The following ST6GALNAC3 variants were observed in gnomAD, a reference collection of about 807,000 sequenced individuals.
ST6GALNAC3 encodes alpha-N-acetylgalactosaminide alpha-2,6-sialyltransferase 3.
In ST6GALNAC3, 25 loss-of-function variants were observed where a neutral mutation model predicts 32.7. The observed-to-expected ratio is 0.76, with a 90% CI of 0.56 to 1.07. The LOEUF is 1.07. ST6GALNAC3 is among the 50% of genes least tolerant of loss of function. The probability of loss-of-function intolerance (pLI) is 0.00; values close to 1 mark genes in which losing one functional copy is unlikely to be tolerated. For synonymous variants in ST6GALNAC3, 129 were observed against 133.1 expected (o/e 0.97, Z 0.21); for missense variants, 355 against 382.4 (o/e 0.93, Z 0.60).
chr1:76,215,889 C>T (rs1387679805), intron 1 of ST6GALNAC3, among the ~76,000 whole-genome samples: 1 of 152,182 alleles, frequency 6.6e-6, no homozygotes, highest in African/African-American at 2.4e-5. Flanking sequence ...TTGCTTACTA[C>T]AGTGCTTTCT....
intron 1 of ST6GALNAC3, among the ~76,000 whole-genome samples, chr1:76,079,136 C>T (rs148917611): frequency 6.6e-6 from 1 of 152,188 alleles, no homozygotes; most frequent in Non-Finnish European, 1.5e-5. Flanking sequence ...GCCCCAGAGC[C>T]CTTGTCAGAT....
At chr1:76,482,044 A>G (rs1659756511) in intron 3 of ST6GALNAC3, among the ~76,000 whole-genome samples, 1 of 152,150 alleles carries the variant, frequency 6.6e-6, no homozygotes, top group African/African-American at 2.4e-5. Flanking sequence ...ATGCACTGAA[A>G]AAGGCACACA....
At chr1:76,377,677 T>G (rs138259357) in intron 2 of ST6GALNAC3, among the ~76,000 whole-genome samples, 165 of 152,318 alleles carry the variant, frequency 1.1e-3, no homozygotes, top group African/African-American at 3.7e-3. Context: ...GGCCTTGTTT[T>G]TTTATGACCT....
At chr1:76,314,300 G>A (rs1646825880) in intron 2 of ST6GALNAC3, among the ~76,000 whole-genome samples, 1 of 152,074 alleles carries the variant, frequency 6.6e-6, no homozygotes. Flanking sequence ...TAGAAGCTCT[G>A]ATTAGCAGTT....
chr1:76,320,221 G>A (rs1486873303), intron 2 of ST6GALNAC3, among the ~76,000 whole-genome samples: 2 of 152,124 alleles, frequency 1.3e-5, no homozygotes, highest in African/African-American at 4.8e-5. Context: ...TATGTATTGT[G>A]CATTTTCCTT....
intron 3 of ST6GALNAC3, among the ~76,000 whole-genome samples, chr1:76,585,440 G>C (rs114693684): frequency 6.6e-5 from 10 of 152,032 alleles, no homozygotes; most frequent in African/African-American, 2.4e-4. Context: ...AGGGCTGAGG[G>C]TGGAGAAACA....
chr1:76,559,780 C>T (rs1018529117), intron 3 of ST6GALNAC3, among the ~76,000 whole-genome samples: 1 of 152,126 alleles, frequency 6.6e-6, no homozygotes, highest in South Asian at 2.1e-4. Flanking sequence ...GAAAAACAGC[C>T]TTGAATTGCT....
intron 2 of ST6GALNAC3, among the ~76,000 whole-genome samples, chr1:76,372,689 G>T (rs1188693141): frequency 6.6e-6 from 1 of 152,112 alleles, no homozygotes; most frequent in African/African-American, 2.4e-5. Context: ...CTGAAGGCTA[G>T]CATTCATTTC....
chr1:76,393,774 A>G (rs995862923), intron 2 of ST6GALNAC3, among the ~76,000 whole-genome samples: 1 of 152,194 alleles, frequency 6.6e-6, no homozygotes, highest in African/African-American at 2.4e-5. Flanking sequence ...ATTTGTCTTT[A>G]ATAAACCTCT....
At chr1:76,550,501 A>AT (rs927363145) in intron 3 of ST6GALNAC3, among the ~76,000 whole-genome samples, 3 of 151,870 alleles carry the variant, frequency 2.0e-5, no homozygotes, top group East Asian at 1.9e-4. Flanking sequence ...TCAGTGTTCT[A>AT]TTTTTTTCCC....
intron 1 of ST6GALNAC3, among the ~76,000 whole-genome samples, chr1:76,137,313 T>C (rs74092533): frequency 0.022 from 3,382 of 152,324 alleles, 139 homozygotes; most frequent in African/African-American, 0.077. Flanking sequence ...AGCCGTGCTA[T>C]GGATGTGATG....
intron 2 of ST6GALNAC3, among the ~76,000 whole-genome samples, chr1:76,351,280 G>A (rs1028966123): frequency 3.3e-5 from 5 of 151,992 alleles, no homozygotes; most frequent in East Asian, 3.8e-4. Context: ...TTCAAAGAAC[G>A]TTTTTCAAAG....
chr1:76,489,533 T>C (rs1660356733), intron 3 of ST6GALNAC3, among the ~76,000 whole-genome samples: 1 of 152,152 alleles, frequency 6.6e-6, no homozygotes, highest in Non-Finnish European at 1.5e-5. Flanking sequence ...GGATCTATAA[T>C]TTTCTGCATA....
intron 3 of ST6GALNAC3, among the ~76,000 whole-genome samples, chr1:76,613,643 C>T (rs149074656): frequency 1.2e-3 from 177 of 152,276 alleles, no homozygotes; most frequent in African/African-American, 4.0e-3. Flanking sequence ...TGCTGTTCTC[C>T]GGACAGTGAG....
intron 3 of ST6GALNAC3, among the ~76,000 whole-genome samples, chr1:76,554,979 C>T (rs1467150118): frequency 1.3e-5 from 2 of 152,054 alleles, no homozygotes; most frequent in South Asian, 2.1e-4. Flanking sequence ...AACTAATTTG[C>T]CCAAGGTACT....
chr1:76,179,259 C>A (rs1255267552), intron 1 of ST6GALNAC3, among the ~76,000 whole-genome samples: 1 of 152,180 alleles, frequency 6.6e-6, no homozygotes, highest in Non-Finnish European at 1.5e-5. Context: ...GACTTTAAAT[C>A]TGATAGATTT....
At chr1:76,426,633 ATAAAG>A (rs943656283) in intron 3 of ST6GALNAC3, among the ~76,000 whole-genome samples, 22 of 151,992 alleles carry the variant, frequency 1.4e-4, no homozygotes, top group South Asian at 6.2e-4. Context: ...ATGATGAAAA[ATAAAG>A]TAAATACATA....
chr1:76,360,406 A>C (rs1649834588), intron 2 of ST6GALNAC3, among the ~76,000 whole-genome samples: 1 of 152,182 alleles, frequency 6.6e-6, no homozygotes, highest in African/African-American at 2.4e-5. Flanking sequence ...GCAAAGACCA[A>C]GCTTTGTTAA....
chr1:76,192,166 C>T (rs936137691), intron 1 of ST6GALNAC3, among the ~76,000 whole-genome samples: 9 of 152,108 alleles, frequency 5.9e-5, no homozygotes, highest in African/African-American at 1.7e-4. Context: ...TAATATAATA[C>T]TGATATAAAA....
Sources: gnomAD v4.1 joint callset for allele counts (sites outside exome capture counted in the v4.1 genomes callset) on GRCh38, gnomAD v4.1.1 for gene constraint, MANE v1.5 for transcripts, NCBI Gene and HGNC (gene_info 2026-07-23, HGNC 2026-07-21) for gene names.